The following CAB39L variants were observed in gnomAD, a reference collection of about 807,000 sequenced individuals.
CAB39L encodes the protein calcium binding protein 39 like, also known as calcium-binding protein 39-like.
CAB39L carries 23 observed loss-of-function variants against 39.1 expected under a neutral mutation model. The observed-to-expected ratio is 0.59, with a 90% CI of 0.42 to 0.83. The LOEUF (loss-of-function observed/expected upper bound fraction) is 0.83, where lower values mean the gene tolerates loss of function less well. CAB39L is among the 40% of genes least tolerant of loss of function. CAB39L has a pLI of 0.00. For missense variants in CAB39L, 366 were observed against 391.9 expected, an observed-to-expected ratio of 0.93 and a Z score of 0.56; for synonymous variants, 126 against 137.2, an observed-to-expected ratio of 0.92 and a Z score of 0.57.
chr13:49,425,008 G>T (rs771936566), intron 3 of CAB39L, among the ~76,000 whole-genome samples: 4 of 151,830 alleles, frequency 2.6e-5, no homozygotes, highest in Admixed American at 6.6e-5. Context: ...CAGAAAACAC[G>T]GCCAAAAACT....
At chr13:49,435,550 G>T (rs1215530659) in intron 1 of CAB39L, among the ~76,000 whole-genome samples, 1 of 152,182 alleles carries the variant, frequency 6.6e-6, no homozygotes, top group African/African-American at 2.4e-5. Context: ...GCCCAGGCTG[G>T]AGTGCAGCGG....
intron 10 of CAB39L, among the ~76,000 whole-genome samples, chr13:49,316,826 A>C (rs1208503388): frequency 6.6e-6 from 1 of 152,218 alleles, no homozygotes; most frequent in South Asian, 2.1e-4. Context: ...GATGAGGTCA[A>C]TACTGGCTTA....
intron 5 of CAB39L, among the ~76,000 whole-genome samples, chr13:49,365,963 T>G (rs907410590): frequency 6.6e-6 from 1 of 152,210 alleles, no homozygotes; most frequent in African/African-American, 2.4e-5. Flanking sequence ...AATAAAGTAC[T>G]ATTCAGTCAT....
intron 4 of CAB39L, among the ~76,000 whole-genome samples, chr13:49,377,825 T>G (rs1327937717): frequency 3.6e-5 from 3 of 83,524 alleles, no homozygotes; most frequent in Admixed American, 1.0e-4. Context: ...CCGTCTGGGA[T>G]GTGAGGAGCC....
intron 3 of CAB39L, among the ~76,000 whole-genome samples, chr13:49,407,958 T>C (rs1271541685): frequency 6.6e-6 from 1 of 151,760 alleles, no homozygotes; most frequent in Admixed American, 6.6e-5. Context: ...AAATCCAGGT[T>C]GCGGTCAGAT....
intron 7 of CAB39L, among the ~76,000 whole-genome samples, chr13:49,347,520 G>A (rs1955214871): frequency 6.6e-6 from 1 of 152,148 alleles, no homozygotes. Context: ...ACAGCGAAGA[G>A]CCATCTGATA....
chr13:49,374,657 G>A (rs1391955688), intron 5 of CAB39L, among the ~76,000 whole-genome samples: 1 of 152,158 alleles, frequency 6.6e-6, no homozygotes, highest in Non-Finnish European at 1.5e-5. Flanking sequence ...AAAGTTATAA[G>A]GCACCCAAAG....
intron 6 of CAB39L, among the ~76,000 whole-genome samples, chr13:49,358,675 A>T (rs1330011799): frequency 1.3e-5 from 2 of 152,026 alleles, no homozygotes; most frequent in Non-Finnish European, 2.9e-5. Flanking sequence ...AGCCTGGCCA[A>T]ATAGTGAAAA....
chr13:49,440,769 G>A (rs550518744), intron 1 of CAB39L, among the ~76,000 whole-genome samples: 45 of 141,040 alleles, frequency 3.2e-4, no homozygotes, highest in African/African-American at 1.1e-3. Context: ...TATGGCTATC[G>A]TAAACAGGAC....
intron 9 of CAB39L, 106 bp from the exon 10 acceptor site, chr13:49,332,196 GTGT>G (rs1954721660): frequency 8.1e-6 from 11 of 1,351,078 alleles, no homozygotes; most frequent in Admixed American, 2.3e-5. Context: ...AGTAAGAATG[GTGT>G]TGTGAAAAAA....
chr13:49,377,359 G>C (rs1393223713), intron 4 of CAB39L, among the ~76,000 whole-genome samples: 1 of 40,500 alleles, frequency 2.5e-5, no homozygotes, highest in Middle Eastern at 0.017. Flanking sequence ...CTGGCTCTAA[G>C]AGCCGGGGCT....
chr13:49,411,992 G>A (rs12184783), intron 3 of CAB39L, among the ~76,000 whole-genome samples: 24,508 of 152,010 alleles, frequency 0.16, 2,191 homozygotes, highest in Middle Eastern at 0.21. Context: ...ACTGCCACTG[G>A]ACTCTCTTCC....
chr13:49,326,179 G>A (rs182121771), intron 10 of CAB39L, among the ~76,000 whole-genome samples: 102 of 152,302 alleles, frequency 6.7e-4, no homozygotes, highest in Admixed American at 3.3e-3. Context: ...TGCTATCAAG[G>A]TTAACAGGGA....
chr13:49,427,605 C>A (rs1165099617), intron 3 of CAB39L, among the ~76,000 whole-genome samples: 1 of 152,120 alleles, frequency 6.6e-6, no homozygotes, highest in African/African-American at 2.4e-5. Flanking sequence ...GGGAAGACTG[C>A]TTTAGCCCAG....
intron 1 of CAB39L, among the ~76,000 whole-genome samples, chr13:49,434,440 C>G (rs558083313): frequency 8.1e-4 from 123 of 152,262 alleles, no homozygotes; most frequent in African/African-American, 2.7e-3. Flanking sequence ...ATAACACAAA[C>G]TCTATTATGT....
chr13:49,371,228 C>T (rs1274951524), intron 5 of CAB39L, among the ~76,000 whole-genome samples: 1 of 126,428 alleles, frequency 7.9e-6, no homozygotes, highest in Non-Finnish European at 1.6e-5. Context: ...ACTCTTATTG[C>T]CCAGGCAGAA....
chr13:49,344,602 A>C (rs1384096752), intron 7 of CAB39L, among the ~76,000 whole-genome samples: 1 of 151,044 alleles, frequency 6.6e-6, no homozygotes, highest in Non-Finnish European at 1.5e-5. Context: ...GCTCACTGCA[A>C]GCTCTGCCTC....
At chr13:49,414,835 T>C (rs1332047855) in intron 3 of CAB39L, among the ~76,000 whole-genome samples, 1 of 152,174 alleles carries the variant, frequency 6.6e-6, no homozygotes, top group Non-Finnish European at 1.5e-5. Context: ...CAATAGCATT[T>C]ATAAGTGGAA....
chr13:49,408,903 C>T (rs1468329544), intron 3 of CAB39L, among the ~76,000 whole-genome samples: 3 of 151,906 alleles, frequency 2.0e-5, no homozygotes, highest in Admixed American at 6.6e-5. Flanking sequence ...AGTATGTTAT[C>T]GTGTGACCAA....
Sources: allele counts gnomAD v4.1 joint callset (sites outside exome capture counted in the v4.1 genomes callset), GRCh38; gene constraint gnomAD v4.1.1; transcripts MANE v1.5; gene names NCBI Gene and HGNC (gene_info 2026-07-23, HGNC 2026-07-21).